DAB1: variants seen among roughly 807,000 people sequenced by gnomAD.
DAB1 encodes the protein disabled homolog 1.
DAB1 carries 15 observed loss-of-function variants against 64.6 expected under a neutral mutation model. The ratio of observed to expected loss-of-function variants is 0.23; its 90% CI spans 0.16 to 0.36. DAB1 has a LOEUF of 0.36. DAB1 is among the 10% of genes least tolerant of loss of function. The pLI is 1.00. For missense variants in DAB1, 596 were observed against 706.7 expected, an observed-to-expected ratio of 0.84 and a Z score of 1.78; for synonymous variants, 235 against 251.9, an observed-to-expected ratio of 0.93 and a Z score of 0.64.
At chr1:57,041,151 C>T (rs1192220107) in intron 9 of DAB1, among the ~76,000 whole-genome samples, 5 of 152,274 alleles carry the variant, frequency 3.3e-5, no homozygotes, top group South Asian at 2.1e-4. Flanking sequence ...CTCTGACAGC[C>T]GTTCCATGCA....
chr1:58,295,967 C>T (rs969346471), intron 4 of DAB1, among the ~76,000 whole-genome samples: 4 of 150,882 alleles, frequency 2.7e-5, no homozygotes, highest in East Asian at 1.9e-4. Flanking sequence ...GTGGCACACC[C>T]GTATAGTCCC....
chr1:58,171,506 C>T (rs1656173968), intron 4 of DAB1, among the ~76,000 whole-genome samples: 2 of 152,226 alleles, frequency 1.3e-5, no homozygotes, highest in Admixed American at 1.3e-4. Flanking sequence ...TCCAGTTGTA[C>T]TCAACCCCTA....
chr1:57,145,268 A>G (rs371157066), intron 3 of DAB1, 22 bp downstream of exon 3: 2 of 1,612,882 alleles, frequency 1.2e-6, no homozygotes, highest in African/African-American at 2.7e-5. Context: ...AAAGTATTGA[A>G]AAGAAAACGT....
At chr1:58,134,875 C>T (rs1300836700) in intron 5 of DAB1, among the ~76,000 whole-genome samples, 1 of 152,020 alleles carries the variant, frequency 6.6e-6, no homozygotes, top group Non-Finnish European at 1.5e-5. Flanking sequence ...TAGGAGGGAC[C>T]CATACATTCA....
At chr1:58,160,843 G>A (rs1655497055) in intron 4 of DAB1, among the ~76,000 whole-genome samples, 2 of 152,118 alleles carry the variant, frequency 1.3e-5, no homozygotes, top group African/African-American at 4.8e-5. Flanking sequence ...CCAATCCAGT[G>A]CTTCTTCTGC....
chr1:57,843,243 G>T (rs913809205), intron 1 of DAB1, among the ~76,000 whole-genome samples: 3 of 152,154 alleles, frequency 2.0e-5, no homozygotes, highest in Admixed American at 6.5e-5. Flanking sequence ...CAGAATAAAA[G>T]GTTTTTTCTT....
intron 5 of DAB1, among the ~76,000 whole-genome samples, chr1:58,117,992 C>A (rs765122297): frequency 3.9e-5 from 6 of 151,922 alleles, no homozygotes; most frequent in Non-Finnish European, 7.4e-5. Flanking sequence ...ATAGCCTCGA[C>A]TTCCCAGGCT....
chr1:57,456,854 C>A (rs1686614133), intron 7 of DAB1, among the ~76,000 whole-genome samples: 1 of 152,060 alleles, frequency 6.6e-6, no homozygotes, highest in Non-Finnish European at 1.5e-5. Context: ...ACTGGGCAGA[C>A]AAACCTCTCC....
chr1:57,140,295 G>C (rs1658478590), intron 3 of DAB1, among the ~76,000 whole-genome samples: 1 of 152,098 alleles, frequency 6.6e-6, no homozygotes, highest in African/African-American at 2.4e-5. Context: ...GTATAATTTA[G>C]TCAATATCAC....
chr1:57,937,638 C>T (rs1004726208), intron 5 of DAB1, among the ~76,000 whole-genome samples: 1 of 152,134 alleles, frequency 6.6e-6, no homozygotes, highest in African/African-American at 2.4e-5. Context: ...AAGCCCCTAG[C>T]CACTTAAAGT....
intron 4 of DAB1, among the ~76,000 whole-genome samples, chr1:58,191,340 C>G (rs1344790270): frequency 2.0e-5 from 3 of 152,030 alleles, no homozygotes; most frequent in Non-Finnish European, 4.4e-5. Flanking sequence ...GGTACCTTGC[C>G]CAAAGGTACA....
intron 5 of DAB1, among the ~76,000 whole-genome samples, chr1:58,092,993 G>A (rs1382665940): frequency 6.6e-6 from 1 of 152,138 alleles, no homozygotes; most frequent in East Asian, 1.9e-4. Context: ...ATATTTTAAT[G>A]GTTCACTATT....
intron 3 of DAB1, among the ~76,000 whole-genome samples, chr1:57,141,710 C>T (rs1160920363): frequency 6.6e-6 from 1 of 152,156 alleles, no homozygotes; most frequent in African/African-American, 2.4e-5. Flanking sequence ...AGACCTCATC[C>T]TTTTCCTTAA....
chr1:58,396,576 C>A (rs1644524342), intron 3 of DAB1, among the ~76,000 whole-genome samples: 1 of 151,574 alleles, frequency 6.6e-6, no homozygotes, highest in Admixed American at 6.6e-5. Flanking sequence ...CAGAGATATG[C>A]AAGGAGGGAG....
chr1:58,177,633 C>G (rs12042276), intron 4 of DAB1, among the ~76,000 whole-genome samples: 42,506 of 151,696 alleles, frequency 0.28, 6,492 homozygotes, highest in East Asian at 0.44. Flanking sequence ...CTGATATTAA[C>G]TACCTAGCCA....
chr1:57,047,347 G>A lies in DAB1; in HGVS notation c.723+15537C>T, dbSNP rs1296489796. Among the ~76,000 whole-genome samples the A allele has an allele frequency of 5.3e-5, 8 of 152,156 alleles. No homozygotes were observed. In the East Asian group the frequency reaches 5.8e-4, roughly 11 times the overall value. On this transcript the variant is annotated intron_variant, in intron 9 of 14. Transcript: ENST00000371236. ...GATGTTTGGGTCCCTCCCAAAATTC[G>A]TATGTTAAAGCCCTAACCCCCAGTG...
chr1:58,024,241 G>A (rs1646855362), intron 5 of DAB1, among the ~76,000 whole-genome samples: 1 of 152,116 alleles, frequency 6.6e-6, no homozygotes. Context: ...GTGTATCTTT[G>A]CCAGTAATTA....
chr1:58,388,856 A>T (rs903115071), intron 3 of DAB1, among the ~76,000 whole-genome samples: 3 of 152,224 alleles, frequency 2.0e-5, no homozygotes, highest in African/African-American at 7.2e-5. Context: ...TAACCTATAG[A>T]CCTGGAGAAG....
At chr1:58,056,935 C>G (rs1334553097) in intron 5 of DAB1, among the ~76,000 whole-genome samples, 1 of 151,830 alleles carries the variant, frequency 6.6e-6, no homozygotes, top group Admixed American at 6.6e-5. Flanking sequence ...GGGGTGGTAG[C>G]AGCCCTGCAC....
Sources: gnomAD v4.1 joint callset for allele counts (sites outside exome capture counted in the v4.1 genomes callset) on GRCh38, gnomAD v4.1.1 for gene constraint, MANE v1.5 for transcripts, NCBI Gene and HGNC (gene_info 2026-07-23, HGNC 2026-07-21) for gene names.